Variants in CCDC93 observed in about 807,000 individuals in gnomAD.
CCDC93 encodes coiled-coil domain-containing protein 93.
Under a neutral mutation model 108.2 loss-of-function variants are expected in CCDC93, and 61 were observed. The ratio of observed to expected loss-of-function variants is 0.56; its 90% CI spans 0.46 to 0.70. The LOEUF (loss-of-function observed/expected upper bound fraction) is 0.70. CCDC93 is among the 30% of genes least tolerant of loss of function. The pLI, the probability that CCDC93 is intolerant of heterozygous loss-of-function variation, is 0.00. For missense variants in CCDC93, 685 were observed against 764.2 expected (o/e 0.90, Z 1.22); for synonymous variants, 276 against 260.4 (o/e 1.06, Z -0.58).
chr2:118,006,642 A>G, intron 3 of CCDC93, 80 bp downstream of exon 3: 1 of 802,840 alleles, frequency 1.2e-6, no homozygotes, highest in South Asian at 1.4e-5. Context: ...TAAAGTGTCC[A>G]ACCAACTTCT....
intron 1 of CCDC93, chr2:118,012,819 A>G (rs1257647514): frequency 1.3e-5 from 2 of 152,174 alleles, no homozygotes; most frequent in African/African-American, 4.8e-5. Flanking sequence ...GTCCTTTCAG[A>G]CTATATATAT....
chr2:117,931,326 A>G (rs1160483745), intron 22 of CCDC93, 176 bp from the exon 23 acceptor site: 1 of 540,814 alleles, frequency 1.8e-6, no homozygotes, highest in Admixed American at 3.7e-5. Context: ...TGGAGGCTCT[A>G]CAATTTATTC....
intron 2 of CCDC93, among the ~76,000 whole-genome samples, chr2:118,007,844 G>A (rs1490635780): frequency 1.3e-5 from 2 of 152,228 alleles, no homozygotes; most frequent in African/African-American, 2.4e-5. Flanking sequence ...GAGTGATTCT[G>A]TTAGGCACAG....
intron 11 of CCDC93, among the ~76,000 whole-genome samples, chr2:117,971,523 G>A (rs1310199864): frequency 1.3e-5 from 2 of 152,196 alleles, no homozygotes; most frequent in Non-Finnish European, 2.9e-5. Flanking sequence ...CAGCTGAAGA[G>A]TGCCAGGCAC....
At chr2:117,976,507 A>C (rs1454077433) in intron 8 of CCDC93, among the ~76,000 whole-genome samples, 1 of 152,226 alleles carries the variant, frequency 6.6e-6, no homozygotes, top group African/African-American at 2.4e-5. Flanking sequence ...CATCATAATC[A>C]GTACATGACT....
chr2:117,927,090 C>A (rs1678137923), intron 23 of CCDC93, among the ~76,000 whole-genome samples: 1 of 152,160 alleles, frequency 6.6e-6, no homozygotes, highest in African/African-American at 2.4e-5. Context: ...TAAAAACTCT[C>A]AATAAACTAG....
intron 7 of CCDC93, chr2:117,985,457 A>G: frequency 1.0e-6 from 1 of 972,610 alleles, no homozygotes; most frequent in Non-Finnish European, 1.2e-6. Context: ...GACAAGCAAA[A>G]AATTCAATGG....
In CCDC93 at chr2:117,931,120, T is replaced by C. The variant is rs777026187; in HGVS notation, c.1759A>G (p.Arg587Gly). 1 of 1,613,820 alleles carries C rather than the reference T, an allele frequency of 6.2e-7. No individual in the cohort carries two copies. Among genetic ancestry groups the C allele is most frequent in the South Asian group, 1.1e-5 (1 of 91,048 alleles). The part of the protein sequence containing the change: ...MEKKKQENKM[R>G]RDQLNDQYLE... The stretch of plus-strand genomic sequence containing the variant: ...TACTGGTCGTTCAACTGGTCTCTTC[T>C]CATTTTGTTCTCTTGCTTTTTCTTT... Residue 587 changes from arginine (R) to glycine (G), a missense_variant, in exon 23 of 24, where the codon AGA becomes GGA. Physicochemically the swap from Arg to Gly is moderately radical, Grantham distance 125. Coordinates refer to ENST00000376300, the MANE Select transcript of CCDC93 (RefSeq NM_019044.5).
chr2:118,003,809 T>C (rs1373777104), intron 3 of CCDC93, among the ~76,000 whole-genome samples: 2 of 152,236 alleles, frequency 1.3e-5, no homozygotes, highest in East Asian at 1.9e-4. Flanking sequence ...GGTGAGGACA[T>C]GGAGGAAAAT....
At chr2:117,945,701 G>A (rs990760413) in intron 16 of CCDC93, 119 bp from the exon 17 acceptor site, 6 of 773,260 alleles carry the variant, frequency 7.8e-6, no homozygotes, top group Non-Finnish European at 1.1e-5. Flanking sequence ...TGAGAAATGT[G>A]TTGATGTCCC....
At chr2:117,964,950 AG>A (rs1679510827) in intron 11 of CCDC93, among the ~76,000 whole-genome samples, 1 of 152,198 alleles carries the variant, frequency 6.6e-6, no homozygotes. Flanking sequence ...AAAGTCTTCA[AG>A]TGATCCATTA....
intron 18 of CCDC93, among the ~76,000 whole-genome samples, 200 bp downstream of exon 18, chr2:117,943,820 AAAGT>A (rs1377915603): frequency 4.6e-5 from 7 of 152,230 alleles, no homozygotes; most frequent in African/African-American, 1.7e-4. Flanking sequence ...AGTGGTTGTG[AAAGT>A]AATATACCAA....
intron 23 of CCDC93, among the ~76,000 whole-genome samples, chr2:117,927,357 A>G (rs544437424): frequency 5.3e-5 from 8 of 152,310 alleles, no homozygotes; most frequent in African/African-American, 1.2e-4. Context: ...ACATGATTGT[A>G]TATCTAGAAA....
chr2:117,983,235 C>T (rs1680204261), intron 7 of CCDC93, among the ~76,000 whole-genome samples: 1 of 152,170 alleles, frequency 6.6e-6, no homozygotes, highest in South Asian at 2.1e-4. Flanking sequence ...TTCCCCTAAA[C>T]ATCATTTACT....
intron 4 of CCDC93, chr2:117,998,264 G>A (rs1680729462): frequency 6.6e-6 from 1 of 152,190 alleles, no homozygotes; most frequent in South Asian, 2.1e-4. Flanking sequence ...TCACATAAGA[G>A]AAGTAGGTCA....
chr2:117,996,493 C>G, intron 4 of CCDC93, 131 bp from the exon 5 acceptor site: 1 of 634,248 alleles, frequency 1.6e-6, no homozygotes, highest in Non-Finnish European at 2.9e-6. Flanking sequence ...AAGAAGCTAT[C>G]AACACATGCT....
intron 10 of CCDC93, among the ~76,000 whole-genome samples, chr2:117,974,431 T>C (rs1245775653): frequency 6.6e-6 from 1 of 152,158 alleles, no homozygotes; most frequent in Non-Finnish European, 1.5e-5. Flanking sequence ...TCAAAAAGAA[T>C]GATCCTTTCA....
At chr2:117,949,033 T>C (rs1678965854) in intron 14 of CCDC93, among the ~76,000 whole-genome samples, 1 of 152,208 alleles carries the variant, frequency 6.6e-6, no homozygotes. Flanking sequence ...ATATGCCCTT[T>C]TCTGTACTAT....
At chr2:117,987,307 G>A (rs914822598) in intron 6 of CCDC93, among the ~76,000 whole-genome samples, 7 of 152,090 alleles carry the variant, frequency 4.6e-5, no homozygotes, top group African/African-American at 7.2e-5. Context: ...GGGACACTAC[G>A]CGGCCTAGCC....
Sources: gnomAD v4.1 joint callset for allele counts (sites outside exome capture counted in the v4.1 genomes callset) on GRCh38, gnomAD v4.1.1 for gene constraint, MANE v1.5 for transcripts, NCBI Gene and HGNC (gene_info 2026-07-23, HGNC 2026-07-21) for gene names.